CENPL: variants seen among roughly 807,000 people sequenced by gnomAD.
CENPL encodes interphase centromere complex protein 33.
A neutral mutation model predicts 35.2 loss-of-function variants in CENPL; 20 were observed. That is an observed-to-expected ratio of 0.57 (90% CI 0.40 to 0.83). CENPL has a LOEUF of 0.83. Ranked by LOEUF, CENPL falls within the 40% of genes least tolerant of loss-of-function variation. The pLI, the probability that CENPL is intolerant of heterozygous loss-of-function variation, is 0.00. For synonymous variants in CENPL, 140 were observed against 140.6 expected (o/e 1.00, Z 0.03); for missense variants, 363 against 395.8 (o/e 0.92, Z 0.70).
At position 173,824,019 on chromosome 1, in the gene CENPL, C is replaced by T. The variant is rs1652283036; in HGVS notation, c.-101G>A. ...CAAAACTATGTGGAGACTGAAATCCCCTGAAGAAAAAAAAAAAAAACCGCC... is the reference window on the plus strand; with the variant it reads ...CAAAACTATGTGGAGACTGAAATCCTCTGAAGAAAAAAAAAAAAAACCGCC... On this transcript the variant is annotated splice_region_variant and 5_prime_UTR_variant, in exon 2 of 6. Coordinates refer to ENST00000682279, the MANE Select transcript of CENPL (RefSeq NM_001387287.1). 6.7e-6 allele frequency: 1 copy of T among 150,286 alleles called. No homozygotes were observed. Among genetic ancestry groups the T allele is most frequent in the Non-Finnish European group, 1.5e-5 (1 of 67,458 alleles). The allele number at this position is 150,286 out of a possible 1,614,324, so 9.3% of individuals were successfully genotyped here.
Position 173,807,336 on chromosome 1 carries a change from G to A in CENPL, c.351C>T (p.Ile117=). The change falls in exon 4 of 6, where the codon ATC becomes ATT. Residue 117 remains isoleucine (I), a synonymous_variant. Coordinates refer to ENST00000682279, the MANE Select transcript of CENPL (RefSeq NM_001387287.1). ...LAVEVGEDFN[I]KVIFSTLLGM... ...CTAGGAGAGTAGAAAAAATCACTTT[G>A]ATGTTGAAGTCTTCTCCCACTTCCA... 3.1e-6 allele frequency: 5 copies of A among 1,613,606 alleles called. No homozygotes were observed. The South Asian group carries it at 3.3e-5, about 11-fold the overall frequency.
intron 2 of CENPL, chr1:173,822,251 T>C (rs1237618508): frequency 6.6e-6 from 1 of 152,202 alleles, no homozygotes; most frequent in Non-Finnish European, 1.5e-5. Context: ...CATGGCCAAA[T>C]ACTTTGTTCA....
Position 173,807,513 on chromosome 1 carries a change from A to C in CENPL, c.174T>G (p.Asp58Glu), listed in dbSNP as rs1323092912. The C allele has an allele frequency of 7.5e-6, 11 of 1,462,856 alleles. No individual in the cohort carries two copies. Among genetic ancestry groups the C allele is most frequent in the Non-Finnish European group, 1.0e-5 (11 of 1,098,456 alleles). 90.6% of individuals were successfully genotyped at this position (1,462,856 alleles called of 1,614,324 possible). The stretch of plus-strand genomic sequence containing the variant: ...GGAATGCAACCTTTTGAGGGTCAAC[A>C]TCTTCCTATAAAAAAAAATCAAGAC... ...KIPQCSQLQE[D>E]VDPQKVAFLL... The change falls in exon 4 of 6, where the codon GAT (aspartate) becomes GAG (glutamate). Residue 58 changes from aspartate to glutamate, a missense_variant. Asp to Glu is a conservative substitution (Grantham distance 45). Coordinates refer to ENST00000682279, the MANE Select transcript of CENPL (RefSeq NM_001387287.1).
chr1:173,799,835 A>G lies in CENPL; in HGVS notation c.*613T>C, dbSNP rs950094170. ...TCATTTGAATCCTAAGAGTTTAAACATAATAAACGCTGTATTTATTTATTT... is the reference window on the plus strand; with the variant it reads ...TCATTTGAATCCTAAGAGTTTAAACGTAATAAACGCTGTATTTATTTATTT... On this transcript the variant is annotated 3_prime_UTR_variant, in exon 6 of 6. Coordinates refer to ENST00000682279, the MANE Select transcript of CENPL (RefSeq NM_001387287.1). The G allele has an allele frequency of 6.6e-6, 1 of 152,304 alleles. No homozygotes were observed. The highest frequency in any genetic ancestry group is 2.1e-4 in the South Asian group (1 of 4,834). 9.4% of individuals were successfully genotyped at this position (152,304 alleles called of 1,614,324 possible).
At chr1:173,820,388 T>C (rs1571968859) in intron 2 of CENPL, among the ~76,000 whole-genome samples, 1 of 150,416 alleles carries the variant, frequency 6.6e-6, no homozygotes, top group South Asian at 2.1e-4. Context: ...TAGCCTGGCA[T>C]GATGGTAGTC....
Position 173,808,074 on chromosome 1 carries a change from A to C in CENPL, c.169-556T>G, listed in dbSNP as rs774255776. ...TCAAACTATAGATTTCAAAAGTAGT[A>C]ACCATTCCTAAAGTATCTAATTTGA... On this transcript the variant is annotated intron_variant, in intron 3 of 5. Coordinates refer to ENST00000682279, the MANE Select transcript of CENPL (RefSeq NM_001387287.1). Among the ~76,000 whole-genome samples the C allele has an allele frequency of 3.7e-4, 57 of 152,178 alleles. 1 individual carries two copies. Among genetic ancestry groups the C allele is most frequent in the Admixed American group, 2.0e-4 (3 of 15,284 alleles).
At chr1:173,819,590 CA>C (rs1651746401) in intron 2 of CENPL, among the ~76,000 whole-genome samples, 1 of 144,990 alleles carries the variant, frequency 6.9e-6, no homozygotes, top group Non-Finnish European at 1.5e-5. Context: ...GACTCCATCT[CA>C]ACAACAACAA....
chr1:173,812,422 G>A (rs762414545), intron 2 of CENPL, among the ~76,000 whole-genome samples: 7 of 152,174 alleles, frequency 4.6e-5, no homozygotes, highest in Non-Finnish European at 7.3e-5. Context: ...AGTAGGGGCC[G>A]ACTGACACCT....
chr1:173,801,037 C>T (rs1249167694), intron 5 of CENPL, among the ~76,000 whole-genome samples: 2 of 152,054 alleles, frequency 1.3e-5, no homozygotes, highest in Non-Finnish European at 2.9e-5. Flanking sequence ...AAATTATTTC[C>T]CAACCTACTG....
In CENPL at chr1:173,807,304, T is replaced by C. The variant is rs1268963763; in HGVS notation, c.383A>G (p.Lys128Arg). 2 of 1,612,126 alleles carry C rather than the reference T, an allele frequency of 1.2e-6. No individual in the cohort carries two copies. The highest frequency in any genetic ancestry group is 1.7e-6 in the Non-Finnish European group (2 of 1,178,762). Residue 128 changes from lysine (K) to arginine (R), a missense_variant, in exon 4 of 6, where the codon AAA becomes AGA. Transcript: ENST00000682279. Reference protein sequence around the residue: ...KVIFSTLLGMKGTQRDPEAFL... With the variant: ...KVIFSTLLGMRGTQRDPEAFL... ...TGCTTCCGGGTCCCTTTGTGTTCCT[T>C]TCATTCCTAGGAGAGTAGAAAAAAT...
chr1:173,800,474 C>T lies in CENPL; in HGVS notation c.1009G>A (p.Glu337Lys). ...YLIGVLAYLT[E>K]LAIFQIE ...CACTCAATTTGAAAAATTGCCAGTT[C>T]TGTCAAATATGCTAACACTCCAATA... The change falls in exon 6 of 6, where the codon GAA becomes AAA. Residue 337 changes from glutamate to lysine, a missense_variant. Coordinates refer to ENST00000682279, the MANE Select transcript of CENPL (RefSeq NM_001387287.1). The T allele has an allele frequency of 6.7e-7, 1 of 1,488,634 alleles. No individual in the cohort carries two copies. The highest frequency in any genetic ancestry group is 9.4e-7 in the Non-Finnish European group (1 of 1,067,506). 92.2% of individuals were successfully genotyped at this position (1,488,634 alleles called of 1,614,324 possible).
At chr1:173,804,046 C>A (rs1650000387) in intron 4 of CENPL, among the ~76,000 whole-genome samples, 1 of 152,012 alleles carries the variant, frequency 6.6e-6, no homozygotes, top group South Asian at 2.1e-4. Context: ...ATAAGAGCTA[C>A]CAATATGGCA....
chr1:173,819,157 C>A (rs1651695858), intron 2 of CENPL, among the ~76,000 whole-genome samples: 1 of 151,798 alleles, frequency 6.6e-6, no homozygotes, highest in Non-Finnish European at 1.5e-5. Context: ...CTGCATGAGC[C>A]CAGGAGGTCA....
At chr1:173,818,734 C>T (rs1651655071) in intron 2 of CENPL, among the ~76,000 whole-genome samples, 1 of 152,152 alleles carries the variant, frequency 6.6e-6, no homozygotes, top group Non-Finnish European at 1.5e-5. Context: ...CTCAATCACC[C>T]AGTCTGTACC....
At chr1:173,813,479 G>C (rs967242070) in intron 2 of CENPL, among the ~76,000 whole-genome samples, 1 of 152,112 alleles carries the variant, frequency 6.6e-6, no homozygotes, top group Admixed American at 6.6e-5. Context: ...CGGATCTCTC[G>C]GCAGAAACTC....
chr1:173,803,726 C>A (rs1391224141), intron 4 of CENPL, among the ~76,000 whole-genome samples: 1 of 150,980 alleles, frequency 6.6e-6, no homozygotes, highest in Non-Finnish European at 1.5e-5. Flanking sequence ...GGCTGGAGTG[C>A]GGTGGCGTGA....
intron 5 of CENPL, among the ~76,000 whole-genome samples, chr1:173,802,552 A>G (rs181499799): frequency 6.6e-6 from 1 of 152,278 alleles, no homozygotes; most frequent in African/African-American, 2.4e-5. Flanking sequence ...AGAATAAAAC[A>G]ATGTCTCTAT....
In CENPL at chr1:173,811,162, T is replaced by C; in HGVS notation, c.138A>G (p.Arg46=). 1 of 1,613,330 alleles carries C rather than the reference T, an allele frequency of 6.2e-7. No individual in the cohort carries two copies. Among genetic ancestry groups the C allele is most frequent in the Non-Finnish European group, 8.5e-7 (1 of 1,179,358 alleles). ...ACTGCGAACACTGGGGAATTTTCCTTCGAGGTGGAGTCAGGATAAATGAAC... is the reference window on the plus strand; with the variant it reads ...ACTGCGAACACTGGGGAATTTTCCTCCGAGGTGGAGTCAGGATAAATGAAC... ...KQSSFILTPP[R]RKIPQCSQLQ... is the part of the protein sequence containing the mutation. Residue 46 remains arginine, a synonymous_variant, in exon 3 of 6, where the codon CGA becomes CGG. Transcript: ENST00000682279.
At chr1:173,802,022 CA>C (rs58015799) in intron 5 of CENPL, among the ~76,000 whole-genome samples, 21 of 135,292 alleles carry the variant, frequency 1.6e-4, no homozygotes, top group Admixed American at 2.2e-4. Flanking sequence ...GATTCTGTCT[CA>C]AAAAAAAAAA....
Sources: gnomAD v4.1 joint callset for allele counts (sites outside exome capture counted in the v4.1 genomes callset) on GRCh38, gnomAD v4.1.1 for gene constraint, MANE v1.5 for transcripts, NCBI Gene and HGNC (gene_info 2026-07-23, HGNC 2026-07-21) for gene names.